Variants in ZSWIM6 observed in about 807,000 individuals in gnomAD.
ZSWIM6 encodes zinc finger SWIM domain-containing protein 6.
Under a neutral mutation model 113.2 loss-of-function variants are expected in ZSWIM6, and 9 were observed. That is an observed-to-expected ratio of 0.08 (90% CI 0.05 to 0.14). The LOEUF (loss-of-function observed/expected upper bound fraction) is 0.14, where lower values mean the gene tolerates loss of function less well. Among genes scored for constraint, ZSWIM6 ranks in the 10% least tolerant of loss-of-function variants. ZSWIM6 has a pLI of 1.00. For synonymous variants in ZSWIM6, 611 were observed against 606.5 expected (o/e 1.01, Z -0.11); for missense variants, 1,162 against 1,552.2 (o/e 0.75, Z 4.22).
intron 1 of ZSWIM6, among the ~76,000 whole-genome samples, chr5:61,465,738 C>T (rs1476966319): frequency 6.6e-6 from 1 of 152,024 alleles, no homozygotes; most frequent in African/African-American, 2.4e-5. Flanking sequence ...TACAGTCTGG[C>T]CTTTGCATTA....
intron 2 of ZSWIM6, among the ~76,000 whole-genome samples, chr5:61,487,735 G>T (rs1748059108): frequency 6.6e-6 from 1 of 152,068 alleles, no homozygotes; most frequent in Admixed American, 6.6e-5. Flanking sequence ...TTTGCATCCT[G>T]CAACTTTACT....
chr5:61,358,763 CTGT>C (rs1744971921), intron 1 of ZSWIM6, among the ~76,000 whole-genome samples: 1 of 152,180 alleles, frequency 6.6e-6, no homozygotes, highest in South Asian at 2.1e-4. Flanking sequence ...AAGACCAGTG[CTGT>C]TGTTTTGGTT....
rs976065857 is a variant in ZSWIM6 at position 61,332,858 on chromosome 5, G to A, written c.586G>A (p.Ala196Thr). Residue 196 changes from alanine to threonine, a missense_variant, in exon 1 of 14, where the codon GCG becomes ACG. Ala to Thr is a moderately conservative substitution (Grantham distance 58). Around this residue, in one of 4 missense-constraint regions of ZSWIM6, gnomAD observed 333 missense variants for 293.4 expected, o/e 1.13. Coordinates refer to ENST00000252744, the MANE Select transcript of ZSWIM6 (RefSeq NM_020928.2). ...GGCCCCGTCGGTGGGGGCTGCCGGG[G>A]CGGCGGACGGCGGCGACGAGACGCG... ...AGAPSVGAAG[A>T]ADGGDETRLP... The A allele has an allele frequency of 8.4e-6, 10 of 1,195,092 alleles. No homozygotes were observed. In the African/African-American group the frequency reaches 1.6e-4, roughly 19 times the overall value. 74.0% of individuals were successfully genotyped at this position (1,195,092 alleles called of 1,614,324 possible).
At chr5:61,510,762 T>C (rs915854062) in intron 4 of ZSWIM6, among the ~76,000 whole-genome samples, 1 of 152,170 alleles carries the variant, frequency 6.6e-6, no homozygotes, top group Non-Finnish European at 1.5e-5. Context: ...TGAACTTGCT[T>C]TTATTGTAAT....
intron 1 of ZSWIM6, among the ~76,000 whole-genome samples, chr5:61,463,947 A>T (rs1282507765): frequency 6.6e-6 from 1 of 151,922 alleles, no homozygotes; most frequent in Non-Finnish European, 1.5e-5. Context: ...AGCAGAGTTT[A>T]CTCAAGTGTC....
At chr5:61,453,378 C>CTTTTTTTT (rs60097146) in intron 1 of ZSWIM6, among the ~76,000 whole-genome samples, 1 of 135,900 alleles carries the variant, frequency 7.4e-6, no homozygotes. Context: ...CTCTCTCTCT[C>CTTTTTTTT]TTTTTTTTTT....
At chr5:61,449,080 TG>T (rs992403389) in intron 1 of ZSWIM6, among the ~76,000 whole-genome samples, 7 of 152,316 alleles carry the variant, frequency 4.6e-5, no homozygotes, top group African/African-American at 1.7e-4. Flanking sequence ...CACCTAAGAA[TG>T]TTGACTCCTG....
intron 1 of ZSWIM6, among the ~76,000 whole-genome samples, chr5:61,457,148 A>C (rs1747220805): frequency 6.6e-6 from 1 of 151,946 alleles, no homozygotes. Context: ...GAGTGAGAAT[A>C]TGCGGTGTTT....
intron 1 of ZSWIM6, among the ~76,000 whole-genome samples, chr5:61,440,462 C>T (rs956194492): frequency 2.0e-5 from 3 of 150,852 alleles, no homozygotes; most frequent in South Asian, 2.1e-4. Flanking sequence ...GGATATTTCA[C>T]ATAATCAATG....
In ZSWIM6 at chr5:61,381,800, C is replaced by G. The variant is rs1453887794; in HGVS notation, c.676+48852C>G. Among the ~76,000 whole-genome samples the G allele has an allele frequency of 3.3e-5, 5 of 152,232 alleles. No homozygotes were observed. The East Asian group carries it at 7.7e-4, about 24-fold the overall frequency. On this transcript the variant is annotated intron_variant, in intron 1 of 13. Coordinates refer to ENST00000252744, the MANE Select transcript of ZSWIM6 (RefSeq NM_020928.2). ...CATGCAGTGTGGAGTGAATAGATCC[C>G]TCCAACACAGTGCATTATATAGTAG...
chr5:61,538,760 A>C (rs1749646933), intron 10 of ZSWIM6, 54 bp from the exon 11 acceptor site: 1 of 1,508,058 alleles, frequency 6.6e-7, no homozygotes, highest in Non-Finnish European at 8.9e-7. Flanking sequence ...CTTTCTGGCC[A>C]AGGACATGGT....
chr5:61,521,503 A>G (rs1749119962), intron 5 of ZSWIM6, 61 bp downstream of exon 5: 3 of 1,257,206 alleles, frequency 2.4e-6, no homozygotes, highest in Non-Finnish European at 3.1e-6. Flanking sequence ...ATGTGCTTAT[A>G]ATAGTAACTT....
chr5:61,384,038 G>A (rs563271056), intron 1 of ZSWIM6, among the ~76,000 whole-genome samples: 117 of 148,890 alleles, frequency 7.9e-4, no homozygotes, highest in Non-Finnish European at 1.8e-4. Context: ...TCAGGAGATC[G>A]AGACCATCCT....
At chr5:61,504,293 G>A (rs1748544545) in intron 4 of ZSWIM6, among the ~76,000 whole-genome samples, 1 of 152,108 alleles carries the variant, frequency 6.6e-6, no homozygotes, top group Admixed American at 6.5e-5. Context: ...AGTACAGAAG[G>A]GCAATGATTC....
chr5:61,419,871 T>C (rs998944437), intron 1 of ZSWIM6, among the ~76,000 whole-genome samples: 1 of 152,200 alleles, frequency 6.6e-6, no homozygotes, highest in Non-Finnish European at 1.5e-5. Context: ...TGCAATTGTG[T>C]TAGAAGTAGT....
At chr5:61,352,149 G>A (rs1744799043) in intron 1 of ZSWIM6, among the ~76,000 whole-genome samples, 1 of 152,164 alleles carries the variant, frequency 6.6e-6, no homozygotes, top group Non-Finnish European at 1.5e-5. Context: ...CTTTGCCTAT[G>A]TTCTTTTTTC....
chr5:61,455,520 G>A (rs545513392), intron 1 of ZSWIM6, among the ~76,000 whole-genome samples: 4 of 152,314 alleles, frequency 2.6e-5, no homozygotes, highest in Non-Finnish European at 5.9e-5. Context: ...ACTCCTGGAA[G>A]ATTTAAACCA....
intron 4 of ZSWIM6, among the ~76,000 whole-genome samples, chr5:61,506,910 G>A (rs1410673656): frequency 3.3e-5 from 5 of 152,156 alleles, no homozygotes; most frequent in African/African-American, 1.2e-4. Context: ...AATACCAAAA[G>A]TGATTGTTTT....
At chr5:61,466,007 T>C (rs577791603) in intron 1 of ZSWIM6, among the ~76,000 whole-genome samples, 12 of 152,332 alleles carry the variant, frequency 7.9e-5, no homozygotes, top group Admixed American at 3.9e-4. Flanking sequence ...AATTTAGGAT[T>C]TCCCTTTGAG....
Sources: gnomAD v4.1 joint callset for allele counts (sites outside exome capture counted in the v4.1 genomes callset) on GRCh38, gnomAD v4.1.1 for gene constraint, gnomAD v4.1.1 regional missense constraint, MANE v1.5 for transcripts, NCBI Gene and HGNC (gene_info 2026-07-23, HGNC 2026-07-21) for gene names.